The following N4BP1 variants were observed in gnomAD, a reference collection of about 807,000 sequenced individuals.
N4BP1 encodes the protein NEDD4-binding protein 1.
A neutral mutation model predicts 70.9 loss-of-function variants in N4BP1; 21 were observed. The ratio of observed to expected loss-of-function variants is 0.30; its 90% CI spans 0.21 to 0.43. The LOEUF (loss-of-function observed/expected upper bound fraction) is 0.43, where lower values mean the gene tolerates loss of function less well. N4BP1 is among the 20% of genes least tolerant of loss of function. N4BP1 has a pLI of 1.00. For missense variants in N4BP1, 936 were observed against 1,069.4 expected (o/e 0.88, Z 1.74); for synonymous variants, 387 against 394.6 (o/e 0.98, Z 0.23).
intron 6 of N4BP1, among the ~76,000 whole-genome samples, chr16:48,545,112 G>A (rs754843139): frequency 2.6e-5 from 4 of 151,860 alleles, no homozygotes; most frequent in Non-Finnish European, 5.9e-5. Flanking sequence ...TTACAGGCAC[G>A]CACCACCACA....
In N4BP1 at chr16:48,560,893, CAGA is replaced by C; in HGVS notation, c.1747_1749del (p.Ser583del). 6.2e-7 allele frequency: 1 copy of C among 1,613,936 alleles called. No individual in the cohort carries two copies. Among genetic ancestry groups the C allele is most frequent in the Non-Finnish European group, 8.5e-7 (1 of 1,179,878 alleles). On this transcript the variant is annotated inframe_deletion, in exon 2 of 7. Transcript: ENST00000262384. Reference sequence around the variant, plus strand: ...CCAGTAACTGAGGAATCAATATGATCAGAAGGTCCTGCCGACCTTGCATCAGTA... The same window carrying C: ...CCAGTAACTGAGGAATCAATATGATCAGGTCCTGCCGACCTTGCATCAGTA...
At chr16:48,553,763 A>C in intron 2 of N4BP1, 94 bp from the exon 3 acceptor site, 1 of 1,039,498 alleles carries the variant, frequency 9.6e-7, no homozygotes, top group Non-Finnish European at 1.3e-6. Context: ...ACATACAACA[A>C]ACAGTAAGAA....
At chr16:48,605,362 C>T (rs1020306696) in intron 1 of N4BP1, among the ~76,000 whole-genome samples, 2 of 152,184 alleles carry the variant, frequency 1.3e-5, no homozygotes, top group Non-Finnish European at 2.9e-5. Context: ...GTCTCACCCC[C>T]ACGGCTGAGA....
chr16:48,569,413 A>G (rs1456336983), intron 1 of N4BP1, among the ~76,000 whole-genome samples: 3 of 151,950 alleles, frequency 2.0e-5, no homozygotes, highest in African/African-American at 7.3e-5. Flanking sequence ...TATTTTTGAG[A>G]CAGGGTCTTG....
intron 1 of N4BP1, among the ~76,000 whole-genome samples, chr16:48,577,315 GT>G (rs144319249): frequency 6.6e-6 from 1 of 151,156 alleles, no homozygotes; most frequent in Non-Finnish European, 1.5e-5. Context: ...CCCAGTTTTT[GT>G]TTTTTTTGTG....
chr16:48,589,441 T>G (rs1203462236), intron 1 of N4BP1, among the ~76,000 whole-genome samples: 1 of 152,072 alleles, frequency 6.6e-6, no homozygotes, highest in African/African-American at 2.4e-5. Flanking sequence ...TGGACTGGCT[T>G]TGGAGAGTTT....
In N4BP1 at chr16:48,571,295, A is replaced by G. The variant is rs369783872; in HGVS notation, c.199-8851T>C. ...CAACCAGCCAAGCTGAAGAGGAGAG[A>G]TTTATTCTCCAGATGAAAGACCCTC... is the stretch of plus-strand genomic sequence containing the variant. On this transcript the variant is annotated intron_variant, in intron 1 of 6. Coordinates refer to ENST00000262384, the MANE Select transcript of N4BP1 (RefSeq NM_153029.4). Among the ~76,000 whole-genome samples the G allele has an allele frequency of 7.2e-5, 11 of 152,292 alleles. 1 individual carries two copies. In the East Asian group the frequency reaches 2.1e-3, roughly 29 times the overall value.
intron 1 of N4BP1, among the ~76,000 whole-genome samples, chr16:48,603,171 A>G (rs1176499857): frequency 6.6e-6 from 1 of 152,188 alleles, no homozygotes; most frequent in Non-Finnish European, 1.5e-5. Flanking sequence ...CATAAGTAAA[A>G]ACTGGGAAAA....
chr16:48,583,327 T>A (rs139341236), intron 1 of N4BP1, among the ~76,000 whole-genome samples: 1 of 152,144 alleles, frequency 6.6e-6, no homozygotes, highest in Non-Finnish European at 1.5e-5. Flanking sequence ...AGACAAATGA[T>A]GTATGTGGAA....
chr16:48,558,060 C>T (rs1035994036), intron 2 of N4BP1, among the ~76,000 whole-genome samples: 1 of 152,152 alleles, frequency 6.6e-6, no homozygotes, highest in Non-Finnish European at 1.5e-5. Context: ...CCACCACTTA[C>T]ATCTAGTTCC....
chr16:48,588,660 C>A (rs1964284013), intron 1 of N4BP1, among the ~76,000 whole-genome samples: 1 of 152,086 alleles, frequency 6.6e-6, no homozygotes, highest in South Asian at 2.1e-4. Flanking sequence ...GCAGCACTGT[C>A]CAAAAGAACT....
intron 1 of N4BP1, among the ~76,000 whole-genome samples, chr16:48,588,600 A>G (rs1395088066): frequency 6.6e-6 from 1 of 152,064 alleles, no homozygotes; most frequent in Non-Finnish European, 1.5e-5. Context: ...CAGCCTCAAT[A>G]TCACACTATT....
At chr16:48,559,362 T>C (rs1963808343) in intron 2 of N4BP1, among the ~76,000 whole-genome samples, 1 of 152,220 alleles carries the variant, frequency 6.6e-6, no homozygotes, top group Non-Finnish European at 1.5e-5. Flanking sequence ...TTCAGAAAAG[T>C]ATTTTTAAGA....
At chr16:48,579,856 T>C (rs1336242095) in intron 1 of N4BP1, among the ~76,000 whole-genome samples, 1 of 151,950 alleles carries the variant, frequency 6.6e-6, no homozygotes, top group Non-Finnish European at 1.5e-5. Flanking sequence ...CAAAAACTAT[T>C]AGAAGAAACA....
At position 48,542,785 on chromosome 16, in the gene N4BP1, A is replaced by T; in HGVS notation, c.*119T>A. Reference sequence around the variant, plus strand: ...TACCCAAAACATTTTTTTTCTGTACAACTGCGTTTACACTGGGAAATAAGT... The same window carrying T: ...TACCCAAAACATTTTTTTTCTGTACTACTGCGTTTACACTGGGAAATAAGT... On this transcript the variant is annotated 3_prime_UTR_variant, in exon 7 of 7. Coordinates refer to ENST00000262384, the MANE Select transcript of N4BP1 (RefSeq NM_153029.4). The T allele has an allele frequency of 1.1e-6, 1 of 933,950 alleles. No homozygotes were observed. The highest frequency in any genetic ancestry group is 1.5e-6 in the Non-Finnish European group (1 of 653,242). 57.9% of individuals were successfully genotyped at this position (933,950 alleles called of 1,614,324 possible). A position where few individuals can be genotyped will look rare whatever the true frequency, so the allele number is the denominator to read the frequency against.
chr16:48,579,676 T>A (rs1235045912), intron 1 of N4BP1, among the ~76,000 whole-genome samples: 12 of 137,246 alleles, frequency 8.7e-5, no homozygotes, highest in African/African-American at 8.1e-5. Flanking sequence ...AAAAGAAAAA[T>A]GACAAAAAAA....
intron 1 of N4BP1, among the ~76,000 whole-genome samples, chr16:48,606,037 T>C (rs1355174528): frequency 6.6e-6 from 1 of 152,210 alleles, no homozygotes; most frequent in African/African-American, 2.4e-5. Flanking sequence ...TATCACACTT[T>C]ACTGTATCTT....
At chr16:48,554,036 G>T (rs189583101) in intron 2 of N4BP1, among the ~76,000 whole-genome samples, 1 of 152,230 alleles carries the variant, frequency 6.6e-6, no homozygotes, top group Admixed American at 6.5e-5. Context: ...TCCCAGGAGG[G>T]CTCCACTCTT....
intron 1 of N4BP1, among the ~76,000 whole-genome samples, chr16:48,581,536 A>C (rs1186716767): frequency 1.3e-5 from 2 of 152,214 alleles, no homozygotes; most frequent in African/African-American, 4.8e-5. Flanking sequence ...AGAATTATTG[A>C]ATTCCATAAA....
Sources: allele counts gnomAD v4.1 joint callset (sites outside exome capture counted in the v4.1 genomes callset), GRCh38; gene constraint gnomAD v4.1.1; transcripts MANE v1.5; gene names NCBI Gene and HGNC (gene_info 2026-07-23, HGNC 2026-07-21).